Variants in AMPH observed in about 807,000 individuals in gnomAD.
AMPH encodes amphiphysin (Stiff-Mann syndrome with breast cancer 128kD autoantigen).
A neutral mutation model predicts 99.1 loss-of-function variants in AMPH; 49 were observed. The observed-to-expected ratio is 0.49, with a 90% CI of 0.39 to 0.63. AMPH has a LOEUF of 0.63. Among genes scored for constraint, AMPH ranks in the 20% least tolerant of loss-of-function variants. AMPH has a pLI of 0.00. For synonymous variants in AMPH, 314 were observed against 317.3 expected (o/e 0.99, Z 0.11); for missense variants, 759 against 863.4 (o/e 0.88, Z 1.52).
chr7:38,555,688 A>G (rs1791337573), intron 1 of AMPH, among the ~76,000 whole-genome samples: 1 of 152,226 alleles, frequency 6.6e-6, no homozygotes, highest in African/African-American at 2.4e-5. Context: ...CTGTATGATA[A>G]TAAGAAAATT....
chr7:38,563,727 T>G (rs1791634255), intron 1 of AMPH, among the ~76,000 whole-genome samples: 1 of 152,196 alleles, frequency 6.6e-6, no homozygotes, highest in Non-Finnish European at 1.5e-5. Context: ...TAATTCTGAT[T>G]TAGATATAAG....
At chr7:38,395,657 T>C (rs1784647474) in intron 17 of AMPH, among the ~76,000 whole-genome samples, 1 of 152,228 alleles carries the variant, frequency 6.6e-6, no homozygotes, top group Non-Finnish European at 1.5e-5. Context: ...AAAATGGCTC[T>C]TACTATCTGA....
At chr7:38,497,764 A>C (rs186851843) in intron 3 of AMPH, among the ~76,000 whole-genome samples, 1 of 152,240 alleles carries the variant, frequency 6.6e-6, no homozygotes, top group Non-Finnish European at 1.5e-5. Flanking sequence ...AAGAGTGGGC[A>C]TCTTTTTCTT....
chr7:38,418,228 T>A (rs1785456769), intron 16 of AMPH, among the ~76,000 whole-genome samples: 1 of 152,190 alleles, frequency 6.6e-6, no homozygotes, highest in South Asian at 2.1e-4. Flanking sequence ...CCATTTTACT[T>A]ACTTGCAACA....
chr7:38,430,403 C>T (rs1035982717), intron 13 of AMPH, among the ~76,000 whole-genome samples: 5 of 152,124 alleles, frequency 3.3e-5, no homozygotes, highest in African/African-American at 9.7e-5. Flanking sequence ...ATTTTCTCCA[C>T]ATAATGAAAA....
intron 5 of AMPH, among the ~76,000 whole-genome samples, chr7:38,488,062 T>C (rs543660191): frequency 6.6e-6 from 1 of 152,320 alleles, no homozygotes; most frequent in African/African-American, 2.4e-5. Flanking sequence ...AGGAACGCTT[T>C]TACACTGTTG....
chr7:38,391,731 T>G lies in AMPH; in HGVS notation c.1878+17A>C. The G allele has an allele frequency of 6.2e-7, 1 of 1,606,024 alleles. No homozygotes were observed. The highest frequency in any genetic ancestry group is 1.3e-5 in the African/African-American group (1 of 74,374). ...AAAGCAAAAAAAGGATAAATGAGAC[T>G]TAAAAAATAAGAATACCTTGTAGAG... is the stretch of plus-strand genomic sequence containing the variant. On this transcript the variant is annotated intron_variant, in intron 19 of 20. Coordinates refer to ENST00000356264, the MANE Select transcript of AMPH (RefSeq NM_001635.4).
At chr7:38,426,072 A>C (rs1270544284) in intron 15 of AMPH, among the ~76,000 whole-genome samples, 3 of 152,214 alleles carry the variant, frequency 2.0e-5, no homozygotes, top group Non-Finnish European at 4.4e-5. Flanking sequence ...ATCTTTTTAC[A>C]GGTAACATGG....
intron 1 of AMPH, among the ~76,000 whole-genome samples, chr7:38,622,319 T>C (rs1380160473): frequency 1.3e-5 from 2 of 152,154 alleles, no homozygotes; most frequent in African/African-American, 4.8e-5. Flanking sequence ...GAAAAATGCA[T>C]CATTTTAAGA....
intron 6 of AMPH, among the ~76,000 whole-genome samples, chr7:38,476,650 C>A (rs1050983350): frequency 2.0e-5 from 3 of 152,102 alleles, no homozygotes; most frequent in Non-Finnish European, 2.9e-5. Flanking sequence ...TTATTCTGAT[C>A]AAAATGTGTG....
In AMPH at chr7:38,389,922, T is replaced by C; in HGVS notation, c.1879-17A>G. 3 of 1,584,930 alleles carry C rather than the reference T, an allele frequency of 1.9e-6. No individual in the cohort carries two copies. Among genetic ancestry groups the C allele is most frequent in the South Asian group, 1.1e-5 (1 of 90,472 alleles). ...TGTTTCCACCTGCAGAAGATAAGAATACATAAAAATCAATTTCCCAGCCAG... is the reference window on the plus strand; with the variant it reads ...TGTTTCCACCTGCAGAAGATAAGAACACATAAAAATCAATTTCCCAGCCAG... On this transcript the variant is annotated splice_polypyrimidine_tract_variant and intron_variant, in intron 19 of 20. Transcript: ENST00000356264.
At chr7:38,415,131 A>G (rs1368669103) in intron 17 of AMPH, among the ~76,000 whole-genome samples, 3 of 152,238 alleles carry the variant, frequency 2.0e-5, no homozygotes, top group Non-Finnish European at 2.9e-5. Flanking sequence ...ATGAGAAATA[A>G]AACAACAAAC....
intron 1 of AMPH, among the ~76,000 whole-genome samples, chr7:38,626,944 T>C (rs1311964590): frequency 6.6e-6 from 1 of 152,238 alleles, no homozygotes; most frequent in Non-Finnish European, 1.5e-5. Context: ...ATATTAAATA[T>C]GTGATTATTT....
intron 5 of AMPH, among the ~76,000 whole-genome samples, chr7:38,482,157 T>C (rs75168265): frequency 0.1 from 15,200 of 152,192 alleles, 1,180 homozygotes; most frequent in East Asian, 0.3. Context: ...TTGTGTTATA[T>C]GGCTTCACAA....
intron 5 of AMPH, 30 bp downstream of exon 5, chr7:38,491,020 C>A: frequency 6.8e-7 from 1 of 1,464,144 alleles, no homozygotes; most frequent in Non-Finnish European, 9.6e-7. Context: ...CCCACTCAAT[C>A]CTTCCCTTTA....
intron 5 of AMPH, among the ~76,000 whole-genome samples, chr7:38,488,226 T>C (rs1388249996): frequency 2.6e-5 from 4 of 152,148 alleles, no homozygotes; most frequent in Non-Finnish European, 1.5e-5. Context: ...CATGCACACG[T>C]ATGTTTATTG....
intron 1 of AMPH, among the ~76,000 whole-genome samples, chr7:38,577,446 G>A (rs1206261411): frequency 2.0e-5 from 3 of 152,186 alleles, no homozygotes; most frequent in Non-Finnish European, 4.4e-5. Context: ...TACCATTGTG[G>A]TTTAGATTCT....
intron 1 of AMPH, among the ~76,000 whole-genome samples, chr7:38,621,786 TATG>T (rs1430916971): frequency 1.3e-5 from 2 of 152,198 alleles, no homozygotes; most frequent in African/African-American, 4.8e-5. Context: ...AAAATTGATA[TATG>T]ATTATCACAT....
chr7:38,613,736 A>G (rs1163425080), intron 1 of AMPH, among the ~76,000 whole-genome samples: 1 of 152,144 alleles, frequency 6.6e-6, no homozygotes, highest in Non-Finnish European at 1.5e-5. Context: ...TTGTTTCACA[A>G]AAAAATGGCA....
Sources: allele counts gnomAD v4.1 joint callset (sites outside exome capture counted in the v4.1 genomes callset), GRCh38; gene constraint gnomAD v4.1.1; transcripts MANE v1.5; gene names NCBI Gene and HGNC (gene_info 2026-07-23, HGNC 2026-07-21).